Variants in RAPGEF3 observed in about 807,000 individuals in gnomAD.
RAPGEF3 encodes 9330170P05Rik.
Under a neutral mutation model 129.8 loss-of-function variants are expected in RAPGEF3, and 103 were observed. The observed-to-expected ratio is 0.79, with a 90% CI of 0.68 to 0.93. The LOEUF (loss-of-function observed/expected upper bound fraction) is 0.93. RAPGEF3 is among the 40% of genes least tolerant of loss of function. The pLI is 0.00. For synonymous variants in RAPGEF3, 436 were observed against 482.6 expected (o/e 0.90, Z 1.26); for missense variants, 1,117 against 1,207.4 (o/e 0.93, Z 1.11).
Position 47,748,801 on chromosome 12 carries a change from G to A in RAPGEF3, c.1154+18C>T. 1 of 1,506,770 alleles carries A rather than the reference G, an allele frequency of 6.6e-7. No individual in the cohort carries two copies. The highest frequency in any genetic ancestry group is 9.2e-7 in the Non-Finnish European group (1 of 1,082,072). The allele number at this position is 1,506,770 out of a possible 1,614,324, so 93.3% of individuals were successfully genotyped here. On this transcript the variant is annotated intron_variant, in intron 11 of 27. Coordinates refer to ENST00000449771, the MANE Select transcript of RAPGEF3 (RefSeq NM_001098531.4). Reference sequence around the variant, plus strand: ...AAAGGAGGGACAGTGTGGAGAGGGAGCATGGCAGGTGTATTACCGGTTCCT... The same window carrying A: ...AAAGGAGGGACAGTGTGGAGAGGGAACATGGCAGGTGTATTACCGGTTCCT...
chr12:47,747,065 GC>G (rs1368630113), intron 15 of RAPGEF3, among the ~76,000 whole-genome samples, 166 bp from the exon 16 acceptor site: 1 of 152,118 alleles, frequency 6.6e-6, no homozygotes, highest in East Asian at 1.9e-4. Flanking sequence ...TTGAAACCAG[GC>G]CCCCAGACTT....
rs1298186110 is a variant in RAPGEF3 at position 47,749,548 on chromosome 12, C to T, written c.895-12G>A. ...GTGGTCACCAGCCCCTGCAGCCAGG[C>T]CTCAGTCTCAGCCCGCCCCTGCCGC... On this transcript the variant is annotated splice_polypyrimidine_tract_variant and intron_variant, in intron 9 of 27. Coordinates refer to ENST00000449771, the MANE Select transcript of RAPGEF3 (RefSeq NM_001098531.4). This position sits in a 1 kb window ranked among gnomAD's most constrained non-coding sequence, Gnocchi z 4.5. The T allele has an allele frequency of 1.2e-6, 2 of 1,607,152 alleles. No individual in the cohort carries two copies. The highest frequency in any genetic ancestry group is 1.7e-6 in the Non-Finnish European group (2 of 1,179,640).
rs2136801856 is a variant in RAPGEF3 at position 47,751,969 on chromosome 12, T to C, written c.220A>G (p.Thr74Ala). The change falls in exon 3 of 28, where the codon ACA becomes GCA. Residue 74 changes from threonine to alanine, a missense_variant and splice_region_variant. Physicochemically the swap from Thr to Ala is moderately conservative, Grantham distance 58. This residue lies in a region of RAPGEF3 where 367 missense variants were observed against 373.4 expected (regional missense o/e 0.98). Transcript: ENST00000449771. ...GACTCCTCGCTGTTGGTGAGTGGTG[T>C]CTGGGGGCAGCAGGGAAAGCGTGCA... ...RPSCIQGLRWTPLTNSEESLD... is the reference protein window; with the variant it reads ...RPSCIQGLRWAPLTNSEESLD... 6.2e-7 allele frequency: 1 copy of C among 1,614,128 alleles called. No homozygotes were observed.
chr12:47,739,295 C>A, intron 23 of RAPGEF3, 65 bp from the exon 24 acceptor site: 2 of 1,278,666 alleles, frequency 1.6e-6, no homozygotes, highest in Admixed American at 1.8e-5. Flanking sequence ...CCCACCCAAC[C>A]AAGGAGGGGC....
chr12:47,737,906 T>C (rs941978101), intron 27 of RAPGEF3, 116 bp downstream of exon 27: 241 of 1,330,510 alleles, frequency 1.8e-4, no homozygotes, highest in Admixed American at 2.6e-4. Flanking sequence ...ATCAACATCA[T>C]GTATGGAAGG....
At chr12:47,752,086 A>C in intron 2 of RAPGEF3, 117 bp from the exon 3 acceptor site, 2 of 1,047,834 alleles carry the variant, frequency 1.9e-6, no homozygotes, top group Non-Finnish European at 2.9e-6. Flanking sequence ...AAATGCATCC[A>C]TGTGGCCACT....
intron 17 of RAPGEF3, 120 bp downstream of exon 17, chr12:47,743,867 G>T: frequency 7.4e-7 from 1 of 1,354,552 alleles, no homozygotes; most frequent in Non-Finnish European, 1.0e-6. Context: ...ACCCTGAGGA[G>T]TACAGCGTGC....
At chr12:47,753,920 CA>C (rs1431402005) in intron 2 of RAPGEF3, 1 of 152,226 alleles carries the variant, frequency 6.6e-6, no homozygotes, top group Non-Finnish European at 1.5e-5. Flanking sequence ...GGATGCAGGT[CA>C]GAGAATGGCC....
At position 47,738,176 on chromosome 12, in the gene RAPGEF3, G is replaced by A. The variant is rs1429827334; in HGVS notation, c.2581+17C>T. 2 of 1,613,728 alleles carry A rather than the reference G, an allele frequency of 1.2e-6. No individual in the cohort carries two copies. Among genetic ancestry groups the A allele is most frequent in the Non-Finnish European group, 1.7e-6 (2 of 1,180,002 alleles). On this transcript the variant is annotated intron_variant, in intron 26 of 27. Coordinates refer to ENST00000449771, the MANE Select transcript of RAPGEF3 (RefSeq NM_001098531.4). ...GTAGGGTGGGGGACCTCCCACCCCG[G>A]GGACCCGCCCTCTCACCAGGGTTGT...
Position 47,738,065 on chromosome 12 carries a change from A to G in RAPGEF3, c.2610T>C (p.Val870=), listed in dbSNP as rs760578888. The G allele has an allele frequency of 6.2e-7, 1 of 1,613,870 alleles. No homozygotes were observed. The highest frequency in any genetic ancestry group is 8.5e-7 in the Non-Finnish European group (1 of 1,179,960). The stretch of plus-strand genomic sequence containing the variant: ...CCTGGCTGTCCTCGTGGAGGTGGGA[A>G]ACTCGGCTTCTGAGTGGTGAGAGAG... ...PVPLSPLRSR[V]SHLHEDSQVA... Residue 870 remains valine, a synonymous_variant, in exon 27 of 28, where the codon GTT becomes GTC. Transcript: ENST00000449771.
chr12:47,746,461 C>T (rs193107648), intron 16 of RAPGEF3: 16 of 560,834 alleles, frequency 2.9e-5, no homozygotes, highest in African/African-American at 2.8e-4. Context: ...TGGCCTGGGG[C>T]CCCCTCTGAC....
At chr12:47,738,887 C>A (rs1940962380) in intron 24 of RAPGEF3, 133 bp from the exon 25 acceptor site, 5 of 849,540 alleles carry the variant, frequency 5.9e-6, no homozygotes, top group Non-Finnish European at 9.8e-6. Context: ...CCCTCCAAGC[C>A]CCAGCAGCAT....
chr12:47,752,044 A>G, intron 2 of RAPGEF3, 75 bp from the exon 3 acceptor site: 1 of 1,502,756 alleles, frequency 6.7e-7, no homozygotes, highest in Non-Finnish European at 9.2e-7. Flanking sequence ...CCCCTCCCCC[A>G]TCACTCCCAC....
chr12:47,758,284 G>A, intron 1 of RAPGEF3: 5 of 1,430,556 alleles, frequency 3.5e-6, no homozygotes, highest in African/African-American at 1.4e-5. Context: ...GTCTCCAGCT[G>A]GCTCTTGGAA....
intron 17 of RAPGEF3, 26 bp downstream of exon 17, chr12:47,743,961 G>A (rs1941295434): frequency 6.4e-7 from 1 of 1,555,380 alleles, no homozygotes; most frequent in Non-Finnish European, 8.9e-7. Flanking sequence ...ATGTCGGGCT[G>A]TGCCCAGCCG....
At position 47,751,781 on chromosome 12, in the gene RAPGEF3, G is replaced by A. The variant is rs768952259; in HGVS notation, c.322C>T (p.Leu108=). ...LRAGRQLHRH[L]LATCPNLIRD... is the part of the protein sequence containing the mutation. ...ATGAGGTTTGGGCAGGTGGCCAGCAGATGCCGATGCAGCTGCCTCCCAGCC... is the reference window on the plus strand; with the variant it reads ...ATGAGGTTTGGGCAGGTGGCCAGCAAATGCCGATGCAGCTGCCTCCCAGCC... Residue 108 remains leucine (L), a synonymous_variant, in exon 4 of 28, where the codon CTG becomes TTG. Transcript: ENST00000449771. 49 of 1,613,936 alleles carry A rather than the reference G, an allele frequency of 3.0e-5. No individual in the cohort carries two copies. Among genetic ancestry groups the A allele is most frequent in the Non-Finnish European group, 3.9e-5 (46 of 1,180,024 alleles).
At position 47,747,553 on chromosome 12, in the gene RAPGEF3, C is replaced by A. The variant is rs746514278; in HGVS notation, c.1547G>T (p.Arg516Leu). The change falls in exon 15 of 28, where the codon CGA becomes CTA. Residue 516 changes from arginine to leucine, a missense_variant. Transcript: ENST00000449771. Reference sequence around the variant, plus strand: ...AGAGTCAAAGCATCACCTGTGGCATCGCCGCCTCTCTGGCCACTGCTCCCT... The same window carrying A: ...AGAGTCAAAGCATCACCTGTGGCATAGCCGCCTCTCTGGCCACTGCTCCCT... Reference protein sequence around the residue: ...LLREQWPERRRCHRLENGCGN... With the variant: ...LLREQWPERRLCHRLENGCGN... 6.2e-7 allele frequency: 1 copy of A among 1,613,776 alleles called. No homozygotes were observed. The highest frequency in any genetic ancestry group is 1.1e-5 in the South Asian group (1 of 91,084).
In RAPGEF3 at chr12:47,758,823, C is replaced by T; in HGVS notation, c.-267G>A. ...CCGGCGACAGGGAGCCCCGAGCCTG[C>T]GCCTTCGTCTCAGACGAAGGAGCCA... On this transcript the variant is annotated 5_prime_UTR_variant, in exon 1 of 28. Transcript: ENST00000449771. 1 of 1,220,572 alleles carries T rather than the reference C, an allele frequency of 8.2e-7. No homozygotes were observed. The highest frequency in any genetic ancestry group is 1.0e-6 in the Non-Finnish European group (1 of 977,540). The allele number at this position is 1,220,572 out of a possible 1,614,324, so 75.6% of individuals were successfully genotyped here. A position where few individuals can be genotyped will look rare whatever the true frequency, so the allele number is the denominator to read the frequency against.
chr12:47,741,701 T>G (rs1941178914), intron 18 of RAPGEF3, 99 bp from the exon 19 acceptor site: 1 of 1,010,158 alleles, frequency 9.9e-7, no homozygotes, highest in Admixed American at 1.8e-5. Flanking sequence ...GCTGAGAGGT[T>G]GTTTCTCCTA....
Sources: gnomAD v4.1 joint callset for allele counts (sites outside exome capture counted in the v4.1 genomes callset) on GRCh38, gnomAD v4.1.1 for gene constraint, gnomAD v4.1.1 regional missense constraint, Gnocchi (gnomAD v3.1) non-coding constraint, MANE v1.5 for transcripts, NCBI Gene and HGNC (gene_info 2026-07-23, HGNC 2026-07-21) for gene names.